PTP4A1: variants seen among roughly 807,000 people sequenced by gnomAD.
PTP4A1 encodes the protein protein tyrosine phosphatase type IVA 1.
Under a neutral mutation model 20.5 loss-of-function variants are expected in PTP4A1, and 9 were observed. The observed-to-expected ratio is 0.44, with a 90% CI of 0.26 to 0.77. The LOEUF is 0.77. PTP4A1 is among the 30% of genes least tolerant of loss of function. PTP4A1 has a pLI of 0.19. For synonymous variants in PTP4A1, 78 were observed against 67.4 expected, an observed-to-expected ratio of 1.16 and a Z score of -0.77; for missense variants, 137 against 218.8, an observed-to-expected ratio of 0.63 and a Z score of 2.36.
At chr6:63,554,504 T>C (rs911525816) in intron 3 of PTP4A1, among the ~76,000 whole-genome samples, 3 of 152,110 alleles carry the variant, frequency 2.0e-5, no homozygotes, top group Non-Finnish European at 4.4e-5. Context: ...GGAACACCTA[T>C]TACATAATTT....
At chr6:63,556,033 A>G (rs943769113) in intron 3 of PTP4A1, among the ~76,000 whole-genome samples, 6 of 152,096 alleles carry the variant, frequency 3.9e-5, no homozygotes, top group Non-Finnish European at 7.4e-5. Context: ...TTGGTATAAC[A>G]CAATAAAGAC....
chr6:63,527,203 T>C (rs1305895097), intron 1 of PTP4A1, among the ~76,000 whole-genome samples: 1 of 152,188 alleles, frequency 6.6e-6, no homozygotes, highest in Non-Finnish European at 1.5e-5. Context: ...TAGTCTGCTT[T>C]GAAGTGCTAT....
At chr6:63,547,763 G>T (rs1481101725) in intron 2 of PTP4A1, among the ~76,000 whole-genome samples, 1 of 150,956 alleles carries the variant, frequency 6.6e-6, no homozygotes, top group Non-Finnish European at 1.5e-5. Flanking sequence ...CACCCCCCTC[G>T]GCCTCCCAAA....
rs1370180100 is a variant in PTP4A1 at position 63,523,022 on chromosome 6, G to A, written c.-906+1196G>A. Among the ~76,000 whole-genome samples, 6 of 151,922 alleles carry A rather than the reference G, an allele frequency of 3.9e-5. No homozygotes were observed. The East Asian group carries it at 9.8e-4, about 25-fold the overall frequency. The stretch of plus-strand genomic sequence containing the variant: ...TGGGACTACAGGCATGTGCCACCAC[G>A]CTGATCTAATTTTTGTATTTTTAGC... On this transcript the variant is annotated intron_variant, in intron 1 of 3. Transcript: ENST00000639568.
At chr6:63,556,866 C>G (rs924342343) in intron 3 of PTP4A1, among the ~76,000 whole-genome samples, 3 of 152,202 alleles carry the variant, frequency 2.0e-5, no homozygotes, top group Non-Finnish European at 2.9e-5. Flanking sequence ...TTAGGTGATA[C>G]TATCCAAGAT....
At chr6:63,555,426 A>G (rs923731772) in intron 3 of PTP4A1, among the ~76,000 whole-genome samples, 1 of 152,252 alleles carries the variant, frequency 6.6e-6, no homozygotes, top group African/African-American at 2.4e-5. Flanking sequence ...GCCAAAAAGT[A>G]TCTCCCTTTC....
At chr6:63,524,682 T>C (rs1287756786) in intron 1 of PTP4A1, among the ~76,000 whole-genome samples, 2 of 152,154 alleles carry the variant, frequency 1.3e-5, no homozygotes, top group Admixed American at 1.3e-4. Flanking sequence ...AAAAGAGAAA[T>C]GCAAAGTGTT....
At chr6:63,524,370 T>C (rs1278135382) in intron 1 of PTP4A1, among the ~76,000 whole-genome samples, 2 of 152,186 alleles carry the variant, frequency 1.3e-5, no homozygotes, top group Non-Finnish European at 2.9e-5. Flanking sequence ...AAAAATTATT[T>C]CATATTGAAG....
chr6:63,549,407 G>A (rs552343411), intron 2 of PTP4A1: 111 of 751,802 alleles, frequency 1.5e-4, no homozygotes, highest in Middle Eastern at 1.2e-3. Context: ...TTCTTAGGCC[G>A]TTTCTCAAAC....
intron 2 of PTP4A1, among the ~76,000 whole-genome samples, chr6:63,535,574 T>C (rs112769972): frequency 7.9e-4 from 121 of 152,356 alleles, no homozygotes; most frequent in Middle Eastern, 6.8e-3. Context: ...GTTGTACATA[T>C]GTGTCATATG....
intron 3 of PTP4A1, among the ~76,000 whole-genome samples, chr6:63,560,944 T>C (rs975707225): frequency 6.6e-6 from 1 of 152,210 alleles, no homozygotes; most frequent in Non-Finnish European, 1.5e-5. Context: ...AAGTATTGCA[T>C]AATCATATTT....
chr6:63,579,422 T>C (rs1778077682), intron 5 of PTP4A1, 91 bp downstream of exon 5: 2 of 891,574 alleles, frequency 2.2e-6, no homozygotes, highest in Non-Finnish European at 3.2e-6. Context: ...CATTTAATCA[T>C]TATGATTATT....
rs1429838915 is a variant in PTP4A1 at position 63,578,881 on chromosome 6, A to G, written c.199-17A>G. 2 of 1,512,346 alleles carry G rather than the reference A, an allele frequency of 1.3e-6. No homozygotes were observed. Among genetic ancestry groups the G allele is most frequent in the Admixed American group, 2.3e-5 (1 of 42,768 alleles). 93.7% of individuals were successfully genotyped at this position (1,512,346 alleles called of 1,614,324 possible). A position where few individuals can be genotyped will look rare whatever the true frequency, so the allele number is the denominator to read the frequency against. The stretch of plus-strand genomic sequence containing the variant: ...TATATTAATGATCTAAAATGTTTAA[A>G]TATTCTTCTGACTTAGGATTGGCCT... On this transcript the variant is annotated splice_polypyrimidine_tract_variant and intron_variant, in intron 3 of 5. Coordinates refer to ENST00000626021, the MANE Select transcript of PTP4A1 (RefSeq NM_003463.5).
chr6:63,564,971 G>T (rs573610393), intron 3 of PTP4A1, among the ~76,000 whole-genome samples: 15 of 152,294 alleles, frequency 9.8e-5, no homozygotes, highest in African/African-American at 3.6e-4. Context: ...GCATGCAAAT[G>T]AAAAGTATTC....
chr6:63,541,017 GGAAT>G (rs1775947213), intron 2 of PTP4A1, among the ~76,000 whole-genome samples: 1 of 126,562 alleles, frequency 7.9e-6, no homozygotes, highest in Admixed American at 8.3e-5. Flanking sequence ...AAGGAAGGAG[GGAAT>G]GAAGAAAGGA....
chr6:63,558,070 C>T (rs1776767104), intron 3 of PTP4A1, among the ~76,000 whole-genome samples: 1 of 152,010 alleles, frequency 6.6e-6, no homozygotes, highest in African/African-American at 2.4e-5. Context: ...CGGGGTTTCA[C>T]CATATTGGCC....
chr6:63,568,658 TAA>T (rs112045436), upstream of PTP4A1, among the ~76,000 whole-genome samples: 345 of 144,684 alleles, frequency 2.4e-3, 1 homozygote, highest in African/African-American at 8.3e-3. Context: ...ATCATTTTGT[TAA>T]AAAAAAAAAA....
In PTP4A1 at chr6:63,580,307, C is replaced by T; in HGVS notation, c.*133C>T. 1 of 731,510 alleles carries T rather than the reference C, an allele frequency of 1.4e-6. No homozygotes were observed. Among genetic ancestry groups the T allele is most frequent in the Non-Finnish European group, 2.3e-6 (1 of 437,578 alleles). 45.3% of individuals were successfully genotyped at this position (731,510 alleles called of 1,614,324 possible). ...AGTATTGAAAGGCAGTTTTACCAGGCCTCAAGCTAGACAGATTTGGCAACC... is the reference window on the plus strand; with the variant it reads ...AGTATTGAAAGGCAGTTTTACCAGGTCTCAAGCTAGACAGATTTGGCAACC... On this transcript the variant is annotated 3_prime_UTR_variant, in exon 6 of 6. Transcript: ENST00000626021.
intron 2 of PTP4A1, 39 bp downstream of exon 2, chr6:63,577,024 A>C: frequency 6.7e-7 from 1 of 1,493,296 alleles, no homozygotes; most frequent in Non-Finnish European, 9.3e-7. Context: ...AATTGATTGC[A>C]ATATAATAGT....
Sources: allele counts gnomAD v4.1 joint callset (sites outside exome capture counted in the v4.1 genomes callset), GRCh38; gene constraint gnomAD v4.1.1; transcripts MANE v1.5; gene names NCBI Gene and HGNC (gene_info 2026-07-23, HGNC 2026-07-21).